Variants in CEP78 observed in about 807,000 individuals in gnomAD.
The protein encoded by CEP78 is centrosomal protein of 78 kDa.
In CEP78, 76 loss-of-function variants were observed where a neutral mutation model predicts 81.2. The ratio of observed to expected loss-of-function variants is 0.94; its 90% CI spans 0.78 to 1.13. The LOEUF is 1.13. Among genes scored for constraint, CEP78 ranks in the 50% most tolerant of loss-of-function variants. CEP78 has a pLI of 0.00. For synonymous variants in CEP78, 293 were observed against 301.4 expected (o/e 0.97, Z 0.29); for missense variants, 918 against 846.8 (o/e 1.08, Z -1.04).
intron 9 of CEP78, 96 bp downstream of exon 9, chr9:78,252,139 C>A: frequency 9.0e-7 from 1 of 1,115,274 alleles, no homozygotes; most frequent in Non-Finnish European, 1.2e-6. Flanking sequence ...CTGCTTATGT[C>A]TGTAGGGTAA....
At chr9:78,261,445 T>C (rs776862803) in intron 11 of CEP78, among the ~76,000 whole-genome samples, 2 of 152,192 alleles carry the variant, frequency 1.3e-5, no homozygotes, top group African/African-American at 2.4e-5. Flanking sequence ...ACTACAACAC[T>C]TTATCATTAG....
rs757454733 is a variant in CEP78 at position 78,265,446 on chromosome 9, C to G, written c.1700C>G (p.Ser567Cys). The G allele has an allele frequency of 2.5e-6, 4 of 1,599,748 alleles. No homozygotes were observed. In the South Asian group the frequency reaches 4.5e-5, roughly 18 times the overall value. The change falls in exon 14 of 17, where the codon TCT (serine) becomes TGT (cysteine). Residue 567 changes from serine to cysteine, a missense_variant. Physicochemically the swap from Ser to Cys is moderately radical, Grantham distance 112 (BLOSUM62 -1). Coordinates refer to ENST00000643273, the MANE Select transcript of CEP78 (RefSeq NM_001330691.3). ...TTACTAGGTCATCCCCAGATGACTTCTACTGTTAGTAATCCACCTAAAGAA... is the reference window on the plus strand; with the variant it reads ...TTACTAGGTCATCCCCAGATGACTTGTACTGTTAGTAATCCACCTAAAGAA... Reference protein sequence around the residue: ...FQLLGHPQMTSTVSNPPKEEK... With the variant: ...FQLLGHPQMTCTVSNPPKEEK...
rs757030116 is a variant in CEP78, at chr9:78,271,652, GTAAC to G, written c.*805_*808del. The G allele has an allele frequency of 7.9e-5, 12 of 151,548 alleles. No individual in the cohort carries two copies. The highest frequency in any genetic ancestry group is 1.6e-4 in the Non-Finnish European group (11 of 67,950). The allele number at this position is 151,548 out of a possible 1,614,324, so 9.4% of individuals were successfully genotyped here. ...TTACTTAGAAAAAATCTTTCTCAGA[GTAAC>G]TAAGCAAAATGAACAATGAACCCAT... On this transcript the variant is annotated 3_prime_UTR_variant, in exon 17 of 17. Coordinates refer to ENST00000643273, the MANE Select transcript of CEP78 (RefSeq NM_001330691.3).
chr9:78,265,934 C>T, intron 15 of CEP78, 28 bp downstream of exon 15: 1 of 1,108,166 alleles, frequency 9.0e-7, no homozygotes, highest in Non-Finnish European at 1.3e-6. Flanking sequence ...GATAATTTTT[C>T]AGAATAAGTA....
chr9:78,264,037 A>C, intron 12 of CEP78, 113 bp from the exon 13 acceptor site: 1 of 735,510 alleles, frequency 1.4e-6, no homozygotes, highest in Non-Finnish European at 2.0e-6. Context: ...GTAGAGAGTT[A>C]GATTAACTGC....
chr9:78,269,640 C>A (rs1827648006), intron 16 of CEP78, among the ~76,000 whole-genome samples: 1 of 152,082 alleles, frequency 6.6e-6, no homozygotes, highest in South Asian at 2.1e-4. Context: ...ACAGTTAGGT[C>A]CCAGGTGACC....
Position 78,275,846 on chromosome 9 carries a change from C to T in CEP78, c.*4995C>T, listed in dbSNP as rs1336628414. 1.3e-5 allele frequency: 2 copies of T among 152,208 alleles called. No homozygotes were observed. Among genetic ancestry groups the T allele is most frequent in the Non-Finnish European group, 2.9e-5 (2 of 68,200 alleles). 9.4% of individuals were successfully genotyped at this position (152,208 alleles called of 1,614,324 possible). On this transcript the variant is annotated 3_prime_UTR_variant, in exon 17 of 17. Coordinates refer to ENST00000643273, the MANE Select transcript of CEP78 (RefSeq NM_001330691.3). ...CATGTAGTCCCAGCCACTCAGGAGG[C>T]TGAAGTGGGAGGATCGCTTGAGGCC...
intron 14 of CEP78, 133 bp downstream of exon 14, chr9:78,265,676 G>T: frequency 2.3e-6 from 2 of 867,892 alleles, no homozygotes; most frequent in South Asian, 1.9e-5. Flanking sequence ...TCCTTTCCAA[G>T]ACTGAGATTA....
At chr9:78,245,875 T>C (rs145326599) in intron 5 of CEP78, among the ~76,000 whole-genome samples, 77 of 152,340 alleles carry the variant, frequency 5.1e-4, no homozygotes, top group Non-Finnish European at 1.2e-4. Context: ...ATTTTTATTC[T>C]AAAACTAACA....
intron 4 of CEP78, 111 bp downstream of exon 4, chr9:78,241,910 G>A: frequency 1.8e-6 from 1 of 559,822 alleles, no homozygotes; most frequent in South Asian, 2.9e-5. Flanking sequence ...GGGCATTGCA[G>A]TTTTAGTTTT....
chr9:78,251,528 T>C (rs1175328441), intron 8 of CEP78, among the ~76,000 whole-genome samples: 1 of 152,174 alleles, frequency 6.6e-6, no homozygotes, highest in Non-Finnish European at 1.5e-5. Flanking sequence ...ATTTAATAAC[T>C]TAAAATTTCT....
intron 8 of CEP78, among the ~76,000 whole-genome samples, chr9:78,251,632 T>C (rs967134776): frequency 1.3e-5 from 2 of 151,972 alleles, no homozygotes; most frequent in Admixed American, 6.6e-5. Flanking sequence ...TCTCATATAT[T>C]CAACTTATAT....
chr9:78,267,025 A>G, intron 16 of CEP78: 2 of 1,277,496 alleles, frequency 1.6e-6, no homozygotes, highest in Non-Finnish European at 2.1e-6. Context: ...TTTTGAAACT[A>G]TGTTTTTACC....
chr9:78,264,181 T>C lies in CEP78; in HGVS notation c.1490T>C (p.Ile497Thr), dbSNP rs767458739. The C allele has an allele frequency of 6.0e-6, 9 of 1,498,312 alleles. No individual in the cohort carries two copies. Among genetic ancestry groups the C allele is most frequent in the Middle Eastern group, 1.8e-4 (1 of 5,580 alleles). The allele number at this position is 1,498,312 out of a possible 1,614,324, so 92.8% of individuals were successfully genotyped here. A position where few individuals can be genotyped will look rare whatever the true frequency, so the allele number is the denominator to read the frequency against. ...CATGAAAATGCCCAGTTAAGAAATATAAATTTCTCTTTGTCTGAAGCCCTT... is the reference window on the plus strand; with the variant it reads ...CATGAAAATGCCCAGTTAAGAAATACAAATTTCTCTTTGTCTGAAGCCCTT... Reference protein sequence around the residue: ...LEHENAQLRNINFSLSEALHA... With the variant: ...LEHENAQLRNTNFSLSEALHA... Residue 497 changes from isoleucine (I) to threonine (T), a missense_variant, in exon 13 of 17, where the codon ATA becomes ACA. Physicochemically the swap from Ile to Thr is moderately conservative, Grantham distance 89. Transcript: ENST00000643273.
chr9:78,256,551 G>A (rs1315906954), intron 11 of CEP78, among the ~76,000 whole-genome samples: 1 of 33,358 alleles, frequency 3.0e-5, no homozygotes, highest in Non-Finnish European at 6.0e-5. Flanking sequence ...TTTTTTTTTT[G>A]AGATGGAGTC....
chr9:78,242,503 C>A (rs963880605), intron 4 of CEP78, among the ~76,000 whole-genome samples: 1 of 152,100 alleles, frequency 6.6e-6, no homozygotes, highest in Non-Finnish European at 1.5e-5. Context: ...GTTTTCTTAT[C>A]CATAAAATGT....
At chr9:78,245,278 G>T (rs1450735377) in intron 5 of CEP78, among the ~76,000 whole-genome samples, 1 of 152,082 alleles carries the variant, frequency 6.6e-6, no homozygotes, top group African/African-American at 2.4e-5. Flanking sequence ...ATTTCTCACA[G>T]TTCTGGAGTC....
chr9:78,263,980 G>A (rs978242481), intron 12 of CEP78, 170 bp from the exon 13 acceptor site: 1 of 404,822 alleles, frequency 2.5e-6, no homozygotes, highest in Non-Finnish European at 4.3e-6. Flanking sequence ...GGTTTTGTCA[G>A]TTATCTCCAG....
intron 11 of CEP78, among the ~76,000 whole-genome samples, chr9:78,259,680 C>T: frequency 6.6e-6 from 1 of 152,104 alleles, no homozygotes. Context: ...TTCAAGAGCC[C>T]TATGATACAT....
Sources: gnomAD v4.1 joint callset for allele counts (sites outside exome capture counted in the v4.1 genomes callset) on GRCh38, gnomAD v4.1.1 for gene constraint, MANE v1.5 for transcripts, NCBI Gene and HGNC (gene_info 2026-07-23, HGNC 2026-07-21) for gene names.